UBFD1: variants seen among roughly 807,000 people sequenced by gnomAD.
UBFD1 encodes the protein ubiquitin domain-containing protein UBFD1.
Under a neutral mutation model 35.1 loss-of-function variants are expected in UBFD1, and 12 were observed. The ratio of observed to expected loss-of-function variants is 0.34; its 90% confidence interval spans 0.22 to 0.55. UBFD1 has a LOEUF of 0.55. UBFD1 is among the 20% of genes least tolerant of loss of function. The probability of loss-of-function intolerance (pLI) is 0.89; values close to 1 mark genes in which losing one functional copy is unlikely to be tolerated. For synonymous variants in UBFD1, 178 were observed against 167.6 expected (o/e 1.06, Z -0.48); for missense variants, 337 against 410.8 (o/e 0.82, Z 1.55).
rs1965834088 is a variant in UBFD1, at chr16:23,557,765, A to G, written c.23A>G (p.Asp8Gly). 1 of 1,294,250 alleles carries G rather than the reference A, an allele frequency of 7.7e-7. No homozygotes were observed. Among genetic ancestry groups the G allele is most frequent in the Non-Finnish European group, 9.8e-7 (1 of 1,020,676 alleles). 80.2% of individuals were successfully genotyped at this position (1,294,250 alleles called of 1,614,324 possible). A position where few individuals can be genotyped will look rare whatever the true frequency, so the allele number is the denominator to read the frequency against. Reference protein sequence around the residue: MAAAGAPDGMEEPGMDTE... With the variant: MAAAGAPGGMEEPGMDTE... ...ATCATGGCGGCGGCCGGGGCCCCGG[A>G]TGGTGAGTGCGGCGGGGGTGGCGGG... Residue 8 changes from aspartate (D) to glycine (G), a missense_variant and splice_region_variant, in exon 1 of 7, where the codon GAT (aspartate) becomes GGT (glycine). Physicochemically the swap from Asp to Gly is moderately conservative, Grantham distance 94. Transcript: ENST00000395878.
rs1270841579 is a variant in UBFD1 at position 23,562,735 on chromosome 16, G to A, written c.736+5G>A. On this transcript the variant is annotated splice_donor_5th_base_variant and intron_variant, in intron 5 of 6. Coordinates refer to ENST00000395878, the MANE Select transcript of UBFD1 (RefSeq NM_019116.3). ...AGCTGTGGATTGGCACTAAAGGTAT[G>A]TTCTTCCTCGCCTCCTTGCTGGCCC... The A allele has an allele frequency of 1.2e-6, 2 of 1,613,250 alleles. No individual in the cohort carries two copies. Among genetic ancestry groups the A allele is most frequent in the African/African-American group, 2.7e-5 (2 of 74,930 alleles).
chr16:23,560,163 C>T (rs896136129), intron 3 of UBFD1, among the ~76,000 whole-genome samples: 1 of 152,166 alleles, frequency 6.6e-6, no homozygotes, highest in Non-Finnish European at 1.5e-5. Context: ...AAGACAACTA[C>T]ACTGATGGAT....
At chr16:23,570,030 G>A (rs1346620072) in intron 6 of UBFD1, among the ~76,000 whole-genome samples, 1 of 152,162 alleles carries the variant, frequency 6.6e-6, no homozygotes, top group Non-Finnish European at 1.5e-5. Flanking sequence ...AGGTTTTTGT[G>A]GTTTCAGACA....
chr16:23,568,197 G>A (rs1018906204), intron 6 of UBFD1, among the ~76,000 whole-genome samples: 1 of 127,488 alleles, frequency 7.8e-6, no homozygotes, highest in African/African-American at 3.0e-5. Context: ...ATCTCGCTCT[G>A]TCACCAGGCT....
At chr16:23,563,921 G>A (rs1965974527) in intron 5 of UBFD1, 1 of 152,222 alleles carries the variant, frequency 6.6e-6, no homozygotes, top group Non-Finnish European at 1.5e-5. Context: ...TCTGAATGAA[G>A]CCTTCCTTGA....
Position 23,558,004 on chromosome 16 carries a change from C to A in UBFD1, c.80C>A (p.Pro27His). 7.3e-7 allele frequency: 1 copy of A among 1,363,202 alleles called. No homozygotes were observed. The highest frequency in any genetic ancestry group is 9.4e-7 in the Non-Finnish European group (1 of 1,061,684). The allele number at this position is 1,363,202 out of a possible 1,614,324, so 84.4% of individuals were successfully genotyped here. ...GCCGAGACTGTGGCTACTGAGGCTC[C>A]CGCGCGGCCCGTCAACTGCCTGGAG... ...TEAETVATEA[P>H]ARPVNCLEAE... The change falls in exon 2 of 7, where the codon CCC becomes CAC. Residue 27 changes from proline (P) to histidine (H), a missense_variant. Pro to His is a moderately conservative substitution (Grantham distance 77, BLOSUM62 -2). Around this residue, in one of 4 missense-constraint regions of UBFD1, gnomAD observed 198 missense variants for 168.4 expected, o/e 1.18. Coordinates refer to ENST00000395878, the MANE Select transcript of UBFD1 (RefSeq NM_019116.3).
chr16:23,559,650 A>C lies in UBFD1; in HGVS notation c.538A>C (p.Lys180Gln). The C allele has an allele frequency of 6.2e-7, 1 of 1,614,286 alleles. No individual in the cohort carries two copies. Among genetic ancestry groups the C allele is most frequent in the Non-Finnish European group, 8.5e-7 (1 of 1,180,054 alleles). The change falls in exon 3 of 7, where the codon AAG (lysine) becomes CAG (glutamine). Residue 180 changes from lysine to glutamine, a missense_variant. Coordinates refer to ENST00000395878, the MANE Select transcript of UBFD1 (RefSeq NM_019116.3). ...AQQDAKAEENKKEPLCRQKQH... is the reference protein window; with the variant it reads ...AQQDAKAEENQKEPLCRQKQH... Reference sequence around the variant, plus strand: ...GCAGGATGCAAAGGCCGAAGAGAACAAGAAGGAGCCTCTCTGCAGGCAGAA... The same window carrying C: ...GCAGGATGCAAAGGCCGAAGAGAACCAGAAGGAGCCTCTCTGCAGGCAGAA...
chr16:23,568,759 C>T (rs190472969), intron 6 of UBFD1: 54 of 151,724 alleles, frequency 3.6e-4, no homozygotes, highest in African/African-American at 1.2e-3. Context: ...ACCTGGGAGG[C>T]GAAGGTTGTA....
intron 5 of UBFD1, chr16:23,564,962 C>G (rs1488329321): frequency 1.3e-5 from 2 of 152,204 alleles, no homozygotes; most frequent in African/African-American, 4.8e-5. Context: ...ACTCACCAGT[C>G]TTGTTGAGGA....
At chr16:23,561,868 C>T (rs1045725798) in intron 3 of UBFD1, 7 of 210,888 alleles carry the variant, frequency 3.3e-5, no homozygotes, top group South Asian at 1.9e-4. Flanking sequence ...CTGGAAATCC[C>T]GTTTGCTGTA....
chr16:23,570,679 T>G lies in UBFD1; in HGVS notation c.*89T>G. The G allele has an allele frequency of 9.2e-7, 1 of 1,085,670 alleles. No homozygotes were observed. The highest frequency in any genetic ancestry group is 2.4e-5 in the East Asian group (1 of 41,202). The allele number at this position is 1,085,670 out of a possible 1,614,324, so 67.3% of individuals were successfully genotyped here. ...GCAGCATCCCTGGATTTCAGAGTTC[T>G]GGAACTTTGTTCATAAAAAATCTAT... On this transcript the variant is annotated 3_prime_UTR_variant, in exon 7 of 7. Transcript: ENST00000395878.
chr16:23,567,118 A>T lies in UBFD1; in HGVS notation c.819+49A>T, dbSNP rs1183338925. On this transcript the variant is annotated intron_variant, in intron 6 of 6. Coordinates refer to ENST00000395878, the MANE Select transcript of UBFD1 (RefSeq NM_019116.3). The stretch of plus-strand genomic sequence containing the variant: ...GCCCCTCTCACTAGACTCCCACTTC[A>T]CCTGGCAGGGAACAGTTTTAACTGA... 1.9e-6 allele frequency: 3 copies of T among 1,557,394 alleles called. No individual in the cohort carries two copies. In the South Asian group the frequency reaches 3.4e-5, roughly 17 times the overall value.
At chr16:23,568,381 A>G (rs990344532) in intron 6 of UBFD1, among the ~76,000 whole-genome samples, 10 of 150,132 alleles carry the variant, frequency 6.7e-5, no homozygotes, top group African/African-American at 2.4e-4. Context: ...GATGGTCTCA[A>G]TCTCTTGACC....
chr16:23,572,371 A>C lies in UBFD1; in HGVS notation c.*1781A>C, dbSNP rs186832467. ...CTGGGGAAAAGAGTACATCTGAGCTACTTGTCCAAGCCTCTGTCTGCAGGT... is the reference window on the plus strand; with the variant it reads ...CTGGGGAAAAGAGTACATCTGAGCTCCTTGTCCAAGCCTCTGTCTGCAGGT... On this transcript the variant is annotated 3_prime_UTR_variant, in exon 7 of 7. Coordinates refer to ENST00000395878, the MANE Select transcript of UBFD1 (RefSeq NM_019116.3). 4 of 152,362 alleles carry C rather than the reference A, an allele frequency of 2.6e-5. No individual in the cohort carries two copies. Among genetic ancestry groups the C allele is most frequent in the African/African-American group, 9.6e-5 (4 of 41,572 alleles). 9.4% of individuals were successfully genotyped at this position (152,362 alleles called of 1,614,324 possible).
chr16:23,562,608 T>G lies in UBFD1; in HGVS notation c.631-17T>G. On this transcript the variant is annotated splice_polypyrimidine_tract_variant and intron_variant, in intron 4 of 6. Transcript: ENST00000395878. ...CTGACTGTCCCTCCATCTCTTACCA[T>G]TCTCTCGTGCCTTCAGGAGCGCCTG... 1 of 1,611,858 alleles carries G rather than the reference T, an allele frequency of 6.2e-7. No individual in the cohort carries two copies. Among genetic ancestry groups the G allele is most frequent in the Non-Finnish European group, 8.5e-7 (1 of 1,178,568 alleles).
chr16:23,561,914 T>C, intron 3 of UBFD1: 1 of 302,294 alleles, frequency 3.3e-6, no homozygotes. Flanking sequence ...TATCCACATG[T>C]GGCTGGTTAA....
intron 3 of UBFD1, among the ~76,000 whole-genome samples, chr16:23,560,053 T>C (rs962377298): frequency 1.3e-5 from 2 of 152,158 alleles, no homozygotes; most frequent in African/African-American, 4.8e-5. Flanking sequence ...GGTTTGTGGC[T>C]TTCCCCAAGT....
chr16:23,559,762 A>G (rs556044049), intron 3 of UBFD1, 86 bp downstream of exon 3: 1 of 1,577,808 alleles, frequency 6.3e-7, no homozygotes, highest in African/African-American at 1.4e-5. Flanking sequence ...CCCTAGAATA[A>G]GCTCCTTTTT....
intron 6 of UBFD1, among the ~76,000 whole-genome samples, chr16:23,570,242 C>G (rs978638581): frequency 3.3e-5 from 5 of 152,176 alleles, no homozygotes; most frequent in African/African-American, 1.2e-4. Flanking sequence ...AGCAAGCCCC[C>G]CGGATGGCTC....
Sources: allele counts gnomAD v4.1 joint callset (sites outside exome capture counted in the v4.1 genomes callset), GRCh38; gene constraint gnomAD v4.1.1; regional missense constraint gnomAD v4.1.1; transcripts MANE v1.5; gene names NCBI Gene and HGNC (gene_info 2026-07-23, HGNC 2026-07-21).